TRPC4: variants seen among roughly 807,000 people sequenced by gnomAD.
The protein encoded by TRPC4 is short transient receptor potential channel 4.
A neutral mutation model predicts 99.4 loss-of-function variants in TRPC4; 49 were observed. The ratio of observed to expected loss-of-function variants is 0.49; its 90% confidence interval spans 0.39 to 0.63. The LOEUF is 0.63. Among genes scored for constraint, TRPC4 ranks in the 20% least tolerant of loss-of-function variants. The probability of loss-of-function intolerance (pLI) is 0.00; values close to 1 mark genes in which losing one functional copy is unlikely to be tolerated. For synonymous variants in TRPC4, 454 were observed against 425.9 expected, an observed-to-expected ratio of 1.07 and a Z score of -0.81; for missense variants, 898 against 1,152.9, an observed-to-expected ratio of 0.78 and a Z score of 3.20.
intron 3 of TRPC4, among the ~76,000 whole-genome samples, chr13:37,730,918 T>C (rs995060442): frequency 1.3e-5 from 2 of 152,008 alleles, no homozygotes; most frequent in Non-Finnish European, 2.9e-5. Flanking sequence ...ACTTCAAAAC[T>C]ATAAAAAGAT....
chr13:37,664,910 A>G (rs1952585826), intron 5 of TRPC4, among the ~76,000 whole-genome samples: 1 of 152,160 alleles, frequency 6.6e-6, no homozygotes, highest in African/African-American at 2.4e-5. Context: ...CTTATTCAAC[A>G]CTCAGACTCT....
chr13:37,737,165 T>C (rs1471270295), intron 3 of TRPC4, among the ~76,000 whole-genome samples: 1 of 151,826 alleles, frequency 6.6e-6, no homozygotes, highest in Non-Finnish European at 1.5e-5. Context: ...TAGTGGAATC[T>C]TGTATTTTTC....
rs191652785 is a variant in TRPC4 at position 37,792,576 on chromosome 13, T to C, written c.-27-9216A>G. ...GAAGAAATGTGGGTGAGGGTGGCAATACATTTTACAAATAAGCATTAACAA... is the reference window on the plus strand; with the variant it reads ...GAAGAAATGTGGGTGAGGGTGGCAACACATTTTACAAATAAGCATTAACAA... On this transcript the variant is annotated intron_variant, in intron 1 of 10. Transcript: ENST00000379705. 2.0e-5 allele frequency among the ~76,000 whole-genome samples: 3 copies of C among 152,228 alleles called. No individual in the cohort carries two copies. The East Asian group carries it at 5.8e-4, about 29-fold the overall frequency.
In TRPC4 at chr13:37,635,593, C is replaced by T. The variant is rs1202316844; in HGVS notation, c.*1310G>A. Among the ~76,000 whole-genome samples the T allele has an allele frequency of 6.6e-6, 1 of 152,026 alleles. No homozygotes were observed. Among genetic ancestry groups the T allele is most frequent in the Non-Finnish European group, 1.5e-5 (1 of 67,970 alleles). ...AATTTTTGAAATAAAATGAACTTAG[C>T]ATTTTTCTATTGATTTGAAATAAAT... On this transcript the variant is annotated 3_prime_UTR_variant, in exon 11 of 11. Transcript: ENST00000379705.
intron 1 of TRPC4, among the ~76,000 whole-genome samples, chr13:37,808,882 G>C (rs973534909): frequency 5.3e-5 from 8 of 151,208 alleles, no homozygotes; most frequent in African/African-American, 2.0e-4. Context: ...ATGTACAATA[G>C]AGAAACCGCC....
chr13:37,698,328 AT>A, intron 3 of TRPC4, among the ~76,000 whole-genome samples: 1 of 149,346 alleles, frequency 6.7e-6, no homozygotes, highest in Non-Finnish European at 1.5e-5. Flanking sequence ...CACCCAACTA[AT>A]TTTTTGTATT....
At chr13:37,703,034 A>G (rs1954152612) in intron 3 of TRPC4, among the ~76,000 whole-genome samples, 3 of 152,170 alleles carry the variant, frequency 2.0e-5, no homozygotes, top group Admixed American at 2.0e-4. Flanking sequence ...CCAGCACTGT[A>G]CCCTTAGTAA....
intron 1 of TRPC4, among the ~76,000 whole-genome samples, chr13:37,867,616 G>C (rs1241246519): frequency 6.6e-6 from 1 of 151,968 alleles, no homozygotes; most frequent in Non-Finnish European, 1.5e-5. Context: ...TAAAAATAAT[G>C]ATTGTCATTG....
At chr13:37,710,654 AC>A (rs1416720335) in intron 3 of TRPC4, among the ~76,000 whole-genome samples, 15 of 151,986 alleles carry the variant, frequency 9.9e-5, no homozygotes, top group African/African-American at 3.6e-4. Context: ...CTAAATACAT[AC>A]TTTCTACTTC....
chr13:37,833,318 G>GA (rs371137306), intron 1 of TRPC4, among the ~76,000 whole-genome samples: 166 of 151,212 alleles, frequency 1.1e-3, no homozygotes, highest in African/African-American at 2.7e-3. Context: ...CTCAGTTATA[G>GA]AAAAAAAAAT....
intron 1 of TRPC4, among the ~76,000 whole-genome samples, chr13:37,815,414 G>A (rs746527325): frequency 2.0e-5 from 3 of 151,498 alleles, no homozygotes; most frequent in Non-Finnish European, 4.4e-5. Context: ...TAAGTAAAGA[G>A]ATGGAGAAAA....
At chr13:37,639,401 C>A in intron 8 of TRPC4, 102 bp from the exon 9 acceptor site, 3 of 1,288,996 alleles carry the variant, frequency 2.3e-6, no homozygotes, top group South Asian at 1.5e-5. Context: ...CTTATTTCTT[C>A]AAAGTGGGAG....
intron 3 of TRPC4, among the ~76,000 whole-genome samples, chr13:37,732,855 A>T (rs1397949622): frequency 2.6e-5 from 4 of 152,222 alleles, no homozygotes; most frequent in African/African-American, 7.2e-5. Context: ...CTCACAGATC[A>T]AAATTAATAT....
intron 4 of TRPC4, among the ~76,000 whole-genome samples, chr13:37,682,495 C>T (rs894986566): frequency 2.0e-5 from 3 of 152,152 alleles, no homozygotes; most frequent in Non-Finnish European, 2.9e-5. Flanking sequence ...AGGGGCAGCT[C>T]CTGTTCTCAG....
chr13:37,726,200 C>CA (rs891422589), intron 3 of TRPC4, among the ~76,000 whole-genome samples: 189 of 148,062 alleles, frequency 1.3e-3, no homozygotes, highest in Admixed American at 4.9e-3. Flanking sequence ...CGTCCCCCCC[C>CA]AAAAAAAAAA....
chr13:37,693,160 T>A (rs2138885530), intron 3 of TRPC4, among the ~76,000 whole-genome samples: 1 of 152,264 alleles, frequency 6.6e-6, no homozygotes, highest in African/African-American at 2.4e-5. Flanking sequence ...TTCTCAGTAT[T>A]TCTCAGATTT....
At chr13:37,680,401 T>G (rs1953197739) in intron 4 of TRPC4, among the ~76,000 whole-genome samples, 1 of 152,218 alleles carries the variant, frequency 6.6e-6, no homozygotes, top group African/African-American at 2.4e-5. Flanking sequence ...TTTAGAATCT[T>G]AGCTTAGCCT....
intron 1 of TRPC4, among the ~76,000 whole-genome samples, chr13:37,841,244 T>C (rs562954411): frequency 6.6e-6 from 1 of 152,064 alleles, no homozygotes. Flanking sequence ...GATAAGCTAA[T>C]AGGGAAAAGA....
intron 6 of TRPC4, 88 bp from the exon 7 acceptor site, chr13:37,655,371 A>ATATG (rs1447695458): frequency 4.9e-6 from 2 of 404,338 alleles, no homozygotes; most frequent in Admixed American, 1.1e-4. Flanking sequence ...ATGATTATAT[A>ATATG]TATATATATA....
Sources: allele counts gnomAD v4.1 joint callset (sites outside exome capture counted in the v4.1 genomes callset), GRCh38; gene constraint gnomAD v4.1.1; transcripts MANE v1.5; gene names NCBI Gene and HGNC (gene_info 2026-07-23, HGNC 2026-07-21).